Variants in DIAPH1 observed in about 807,000 individuals in gnomAD.
DIAPH1 encodes the protein diaphanous related formin 1.
A neutral mutation model predicts 140.7 loss-of-function variants in DIAPH1; 46 were observed. The observed-to-expected ratio is 0.33, with a 90% CI of 0.26 to 0.42. The LOEUF (loss-of-function observed/expected upper bound fraction) is 0.42. DIAPH1 is among the 10% of genes least tolerant of loss of function. The probability of loss-of-function intolerance (pLI) is 1.00; values close to 1 mark genes in which losing one functional copy is unlikely to be tolerated. For missense variants in DIAPH1, 1,310 were observed against 1,558.7 expected, an observed-to-expected ratio of 0.84 and a Z score of 2.69; for synonymous variants, 565 against 551.6, an observed-to-expected ratio of 1.02 and a Z score of -0.34.
chr5:141,577,866 A>T, intron 11 of DIAPH1: 1 of 497,790 alleles, frequency 2.0e-6, no homozygotes, highest in Non-Finnish European at 3.6e-6. Context: ...TAACTGCCTC[A>T]AAGTCACTTA....
At chr5:141,590,702 T>C (rs1159948471) in intron 1 of DIAPH1, among the ~76,000 whole-genome samples, 3 of 151,604 alleles carry the variant, frequency 2.0e-5, no homozygotes, top group South Asian at 4.2e-4. Context: ...GTCTAAAGAA[T>C]TAATGGCAGC....
At chr5:141,545,194 T>A (rs1231993905) in intron 18 of DIAPH1, among the ~76,000 whole-genome samples, 1 of 152,230 alleles carries the variant, frequency 6.6e-6, no homozygotes, top group Non-Finnish European at 1.5e-5. Context: ...AGGAACTTTT[T>A]GGAGTGACTG....
intron 1 of DIAPH1, among the ~76,000 whole-genome samples, chr5:141,605,474 T>A (rs933280657): frequency 2.0e-5 from 3 of 152,096 alleles, no homozygotes; most frequent in African/African-American, 7.2e-5. Context: ...AAGCAAAACA[T>A]CATCATCCAA....
At chr5:141,611,887 T>G (rs2099901897) in intron 1 of DIAPH1, among the ~76,000 whole-genome samples, 2 of 152,090 alleles carry the variant, frequency 1.3e-5, no homozygotes, top group South Asian at 4.1e-4. Context: ...GCCAACATGA[T>G]GAAACCCCAT....
At chr5:141,534,514 A>C (rs2099888720) in intron 18 of DIAPH1, 81 bp from the exon 19 acceptor site, 1 of 1,094,332 alleles carries the variant, frequency 9.1e-7, no homozygotes, top group Admixed American at 1.7e-5. Context: ...TCCAGCGTGA[A>C]ATGGCCCCTC....
chr5:141,592,417 ATTTT>A (rs1309879452), intron 1 of DIAPH1, among the ~76,000 whole-genome samples: 7 of 152,140 alleles, frequency 4.6e-5, no homozygotes, highest in Non-Finnish European at 8.8e-5. Flanking sequence ...TTCAGTAGTC[ATTTT>A]TTAATTGTAT....
chr5:141,526,558 G>A, intron 24 of DIAPH1, 97 bp from the exon 25 acceptor site: 1 of 1,458,844 alleles, frequency 6.9e-7, no homozygotes, highest in Non-Finnish European at 9.6e-7. Context: ...GGCATGCAAA[G>A]GGATGTTCAA....
chr5:141,590,133 G>C (rs553243666), intron 1 of DIAPH1, among the ~76,000 whole-genome samples: 1 of 152,134 alleles, frequency 6.6e-6, no homozygotes, highest in Admixed American at 6.5e-5. Context: ...CCTCTTTCAT[G>C]GACAAGAAAA....
At chr5:141,597,409 A>G (rs2099899499) in intron 1 of DIAPH1, among the ~76,000 whole-genome samples, 1 of 152,224 alleles carries the variant, frequency 6.6e-6, no homozygotes, top group African/African-American at 2.4e-5. Flanking sequence ...TCTATACCCA[A>G]CAAAAACTAT....
In DIAPH1 at chr5:141,591,710, A is replaced by ATT. The variant is rs1420866348; in HGVS notation, c.118-3461_118-3460insAA. Among the ~76,000 whole-genome samples the ATT allele has an allele frequency of 4.9e-5, 4 of 81,158 alleles. 1 individual carries two copies. Among genetic ancestry groups the ATT allele is most frequent in the Non-Finnish European group, 1.0e-4 (4 of 38,330 alleles). The allele number at this position is 81,158 out of a possible 152,430, so 53.2% of individuals were successfully genotyped here. On this transcript the variant is annotated intron_variant, in intron 1 of 27. Coordinates refer to ENST00000389054, the MANE Select transcript of DIAPH1 (RefSeq NM_005219.5). The stretch of plus-strand genomic sequence containing the variant: ...GGGAGATGGGGATATATATATATAT[A>ATT]TATATATATATATATATGAAGGAAG...
intron 1 of DIAPH1, among the ~76,000 whole-genome samples, chr5:141,601,699 A>G (rs1416419333): frequency 2.6e-5 from 4 of 152,240 alleles, no homozygotes; most frequent in Non-Finnish European, 5.9e-5. Flanking sequence ...CCCACATTTT[A>G]ATAAATAAAT....
At chr5:141,529,424 G>T in intron 20 of DIAPH1, 151 bp from the exon 21 acceptor site, 1 of 897,564 alleles carries the variant, frequency 1.1e-6, no homozygotes, top group Non-Finnish European at 1.8e-6. Flanking sequence ...TACTGAGATG[G>T]GGGTACTTTT....
intron 6 of DIAPH1, 55 bp downstream of exon 6, chr5:141,583,151 G>T: frequency 6.8e-7 from 1 of 1,472,238 alleles, no homozygotes; most frequent in Non-Finnish European, 9.5e-7. Context: ...AGAGCAAATA[G>T]CCAAGTCCCC....
chr5:141,528,480 G>C lies in DIAPH1; in HGVS notation c.3121C>G (p.Leu1041Val), dbSNP rs2099887718. 2 of 1,614,230 alleles carry C rather than the reference G, an allele frequency of 1.2e-6. No homozygotes were observed. Among genetic ancestry groups the C allele is most frequent in the Non-Finnish European group, 1.7e-6 (2 of 1,180,048 alleles). The change falls in exon 23 of 28, where the codon CTT becomes GTT. Residue 1041 changes from leucine (L) to valine (V), a missense_variant. Transcript: ENST00000389054. Reference sequence around the variant, plus strand: ...CGGCTGGCTTTCTCCACATGGGCAAGCTCGTCTGGAAACTTGAGGACATCG... The same window carrying C: ...CGGCTGGCTTTCTCCACATGGGCAACCTCGTCTGGAAACTTGAGGACATCG... ...YPDVLKFPDELAHVEKASRVS... is the reference protein window; with the variant it reads ...YPDVLKFPDEVAHVEKASRVS...
chr5:141,567,108 A>G (rs1208667504), intron 18 of DIAPH1, among the ~76,000 whole-genome samples: 1 of 152,126 alleles, frequency 6.6e-6, no homozygotes, highest in East Asian at 1.9e-4. Flanking sequence ...ACCTTATCGC[A>G]ATTAAACTAT....
At chr5:141,601,971 T>C (rs1438078967) in intron 1 of DIAPH1, among the ~76,000 whole-genome samples, 2 of 152,170 alleles carry the variant, frequency 1.3e-5, no homozygotes, top group African/African-American at 4.8e-5. Flanking sequence ...ATGGGTAAAA[T>C]GGGAAATAAG....
chr5:141,570,331 T>C (rs1440689618), intron 18 of DIAPH1, among the ~76,000 whole-genome samples: 1 of 152,360 alleles, frequency 6.6e-6, no homozygotes, highest in East Asian at 1.9e-4. Context: ...GATAGACTAA[T>C]ACAGTATATG....
intron 7 of DIAPH1, 95 bp downstream of exon 7, chr5:141,582,217 A>G: frequency 1.1e-6 from 1 of 886,202 alleles, no homozygotes; most frequent in Non-Finnish European, 1.9e-6. Flanking sequence ...AGAAGTCCTG[A>G]ACCTCATATT....
intron 18 of DIAPH1, among the ~76,000 whole-genome samples, chr5:141,556,521 AAAGT>A (rs1189259961): frequency 6.6e-6 from 1 of 152,140 alleles, no homozygotes; most frequent in Non-Finnish European, 1.5e-5. Flanking sequence ...CGTCAGGAGA[AAAGT>A]AAGAGTCCAG....
Sources: gnomAD v4.1 joint callset for allele counts (sites outside exome capture counted in the v4.1 genomes callset) on GRCh38, gnomAD v4.1.1 for gene constraint, MANE v1.5 for transcripts, NCBI Gene and HGNC (gene_info 2026-07-23, HGNC 2026-07-21) for gene names.